The following NEBL variants were observed in gnomAD, a reference collection of about 807,000 sequenced individuals.
The protein encoded by NEBL is nebulette, also known as LIM and SH3 protein 2.
Under a neutral mutation model 140.2 loss-of-function variants are expected in NEBL, and 122 were observed. The observed-to-expected ratio is 0.87, with a 90% CI of 0.75 to 1.01. The LOEUF is 1.01. Among genes scored for constraint, NEBL ranks in the 50% least tolerant of loss-of-function variants. NEBL has a pLI of 0.00. For synonymous variants in NEBL, 436 were observed against 398.9 expected (o/e 1.09, Z -1.11); for missense variants, 1,365 against 1,231.3 (o/e 1.11, Z -1.62).
At chr10:21,221,589 C>T (rs2132245513) in intron 3 of NEBL, among the ~76,000 whole-genome samples, 1 of 152,110 alleles carries the variant, frequency 6.6e-6, no homozygotes, top group Non-Finnish European at 1.5e-5. Context: ...ACTGCAAGCT[C>T]TACCTCCCAG....
At chr10:20,894,725 T>G (rs538274027) in intron 2 of NEBL, among the ~76,000 whole-genome samples, 32 of 129,890 alleles carry the variant, frequency 2.5e-4, no homozygotes, top group Non-Finnish European at 4.7e-4. Context: ...CCATCCTAAC[T>G]AACACGGTGA....
At chr10:20,831,731 T>C in intron 14 of NEBL, 148 bp from the exon 15 acceptor site, 1 of 635,618 alleles carries the variant, frequency 1.6e-6, no homozygotes. Flanking sequence ...ATAGAGTTTT[T>C]ACTTGTGGTA....
At chr10:20,824,221 T>C (rs1190966419) in intron 18 of NEBL, among the ~76,000 whole-genome samples, 1 of 152,182 alleles carries the variant, frequency 6.6e-6, no homozygotes, top group East Asian at 1.9e-4. Flanking sequence ...TAGGCTCAAC[T>C]TAAGAGGCCG....
At chr10:20,831,733 C>T (rs1007889306) in intron 14 of NEBL, 150 bp from the exon 15 acceptor site, 2 of 633,382 alleles carry the variant, frequency 3.2e-6, no homozygotes, top group Non-Finnish European at 5.5e-6. Flanking sequence ...AGAGTTTTTA[C>T]TTGTGGTAGG....
chr10:20,844,284 T>C (rs1355068669), intron 12 of NEBL, among the ~76,000 whole-genome samples: 1 of 152,024 alleles, frequency 6.6e-6, no homozygotes, highest in Non-Finnish European at 1.5e-5. Context: ...CCTTCAGGAA[T>C]AGTTTCCTCA....
chr10:20,967,068 G>T (rs972579028), intron 3 of NEBL, among the ~76,000 whole-genome samples: 1 of 147,798 alleles, frequency 6.8e-6, no homozygotes, highest in African/African-American at 2.5e-5. Context: ...TGAATTCAAG[G>T]ATGGGCACAT....
chr10:21,223,065 T>C (rs1842095723), intron 3 of NEBL, among the ~76,000 whole-genome samples: 1 of 152,174 alleles, frequency 6.6e-6, no homozygotes, highest in African/African-American at 2.4e-5. Context: ...GCCTGGCTCT[T>C]TTAGTTATTT....
At chr10:20,971,344 G>C (rs1836560307) in intron 3 of NEBL, among the ~76,000 whole-genome samples, 1 of 151,858 alleles carries the variant, frequency 6.6e-6, no homozygotes, top group Admixed American at 6.6e-5. Context: ...GATAAATTTT[G>C]CTTCTGAACA....
At chr10:21,280,983 A>C (rs1256671049) in intron 1 of NEBL, among the ~76,000 whole-genome samples, 1 of 152,180 alleles carries the variant, frequency 6.6e-6, no homozygotes, top group African/African-American at 2.4e-5. Context: ...GATATTGTAT[A>C]GGATGGTAGA....
intron 2 of NEBL, among the ~76,000 whole-genome samples, chr10:21,134,677 A>T (rs375200389): frequency 6.6e-6 from 1 of 152,204 alleles, no homozygotes; most frequent in East Asian, 1.9e-4. Flanking sequence ...CTATTCCATC[A>T]ATTAGTGTAT....
intron 3 of NEBL, among the ~76,000 whole-genome samples, chr10:20,968,092 C>T (rs760514865): frequency 1.3e-5 from 2 of 152,128 alleles, no homozygotes; most frequent in Non-Finnish European, 2.9e-5. Context: ...GTTAAATCGG[C>T]CACTCTGAGT....
chr10:21,250,498 T>C (rs1842573845), intron 2 of NEBL, among the ~76,000 whole-genome samples: 1 of 152,192 alleles, frequency 6.6e-6, no homozygotes, highest in South Asian at 2.1e-4. Context: ...CCACCCTTTA[T>C]ATATATACAT....
At chr10:21,177,731 C>CTT (rs1433459893), upstream of NEBL, among the ~76,000 whole-genome samples, 3 of 151,904 alleles carry the variant, frequency 2.0e-5, no homozygotes, top group African/African-American at 7.3e-5. Context: ...GGTTTCACTG[C>CTT]GTTAGCCAGG....
intron 1 of NEBL, among the ~76,000 whole-genome samples, chr10:21,280,619 CTTTTTT>C (rs554320752): frequency 1.2e-4 from 12 of 98,118 alleles, no homozygotes; most frequent in South Asian, 8.0e-4. Flanking sequence ...TTTCTTTTTC[CTTTTTT>C]TTTTTTTTTT....
chr10:21,067,138 A>G (rs1835600027), intron 2 of NEBL, among the ~76,000 whole-genome samples: 1 of 151,748 alleles, frequency 6.6e-6, no homozygotes, highest in Non-Finnish European at 1.5e-5. Context: ...ACGCCCGGCT[A>G]ATTTTGGTAT....
At chr10:20,854,590 G>A (rs939391911) in intron 9 of NEBL, among the ~76,000 whole-genome samples, 16 of 142,630 alleles carry the variant, frequency 1.1e-4, no homozygotes, top group African/African-American at 3.5e-4. Flanking sequence ...TTTTGGACAG[G>A]GTCTTGCTCT....
At position 21,116,105 on chromosome 10, in the gene NEBL, C is replaced by CT. The variant is rs1015528527; in HGVS notation, c.164+56277dup. ...CTTCCATGACTCTCTTTATCATACTCTTTTTTTTTCCTCTACATACTTGAA... is the reference window on the plus strand; with the variant it reads ...CTTCCATGACTCTCTTTATCATACTCTTTTTTTTTTCCTCTACATACTTGAA... On this transcript the variant is annotated intron_variant, in intron 2 of 6. Transcript: ENST00000417816. 6.6e-3 allele frequency among the ~76,000 whole-genome samples: 1,008 copies of CT among 151,644 alleles called. 10 individuals are homozygous for CT. The highest frequency in any genetic ancestry group is 0.023 in the African/African-American group (946 of 41,410).
intron 27 of NEBL, 132 bp downstream of exon 27, chr10:20,787,070 T>C (rs1041107141): frequency 6.0e-6 from 5 of 835,284 alleles, no homozygotes; most frequent in Non-Finnish European, 1.0e-5. Context: ...GTTGTATAAA[T>C]GGCAACACAT....
chr10:20,971,315 T>A (rs2131638030), intron 3 of NEBL, among the ~76,000 whole-genome samples: 1 of 152,322 alleles, frequency 6.6e-6, no homozygotes, highest in Middle Eastern at 3.4e-3. Context: ...ACTAATAGCA[T>A]TTAATAATTT....
Sources: gnomAD v4.1 joint callset for allele counts (sites outside exome capture counted in the v4.1 genomes callset) on GRCh38, gnomAD v4.1.1 for gene constraint, MANE v1.5 for transcripts, NCBI Gene and HGNC (gene_info 2026-07-23, HGNC 2026-07-21) for gene names.